PNPLA7: variants seen among roughly 807,000 people sequenced by gnomAD.
PNPLA7 encodes patatin-like phospholipase domain-containing protein 7.
In PNPLA7, 153 loss-of-function variants were observed where a neutral mutation model predicts 161.7. The ratio of observed to expected loss-of-function variants is 0.95; its 90% CI spans 0.83 to 1.08. The LOEUF (loss-of-function observed/expected upper bound fraction) is 1.08, where lower values mean the gene tolerates loss of function less well. Among genes scored for constraint, PNPLA7 ranks in the 50% least tolerant of loss-of-function variants. The pLI is 0.00. For synonymous variants in PNPLA7, 809 were observed against 782.1 expected (o/e 1.03, Z -0.57); for missense variants, 1,739 against 1,856.6 (o/e 0.94, Z 1.16).
intron 25 of PNPLA7, among the ~76,000 whole-genome samples, chr9:137,470,596 T>C (rs1195846612): frequency 1.3e-5 from 2 of 151,962 alleles, no homozygotes; most frequent in African/African-American, 4.8e-5. Context: ...TTCTAGAGAA[T>C]AGGAAAAGAA....
chr9:137,528,217 CTT>C (rs1257678251), intron 8 of PNPLA7, among the ~76,000 whole-genome samples: 7 of 152,158 alleles, frequency 4.6e-5, no homozygotes, highest in Non-Finnish European at 8.8e-5. Context: ...CATTTTCTCT[CTT>C]GTTTTGCATT....
rs1415367528 is a variant in PNPLA7 at position 137,541,047 on chromosome 9, C to T, written c.667-325G>A. 1.3e-5 allele frequency among the ~76,000 whole-genome samples: 2 copies of T among 152,072 alleles called. No individual in the cohort carries two copies. The highest frequency in any genetic ancestry group is 4.8e-5 in the African/African-American group (2 of 41,402). ...AGCTAACTATAAGGACTCCGAGGAC[C>T]GATTCAGTTATTACCAGCCTAAATT... On this transcript the variant is annotated intron_variant, in intron 7 of 34. Transcript: ENST00000406427. The surrounding 1 kb of genome is among the most constrained non-coding windows in gnomAD (Gnocchi z 4.4).
intron 12 of PNPLA7, 45 bp from the exon 13 acceptor site, chr9:137,506,128 G>A (rs970271520): frequency 2.6e-6 from 4 of 1,530,668 alleles, no homozygotes; most frequent in Non-Finnish European, 3.6e-6. Context: ...CTAGGCCACT[G>A]ACACAAACGT....
chr9:137,492,095 C>T (rs1832790938), intron 20 of PNPLA7: 1 of 985,320 alleles, frequency 1.0e-6, no homozygotes. Context: ...GGTCAGAGTC[C>T]TTGAGTATGT....
At chr9:137,461,496 C>A in intron 33 of PNPLA7, 40 bp downstream of exon 33, 1 of 1,572,424 alleles carries the variant, frequency 6.4e-7, no homozygotes, top group South Asian at 1.1e-5. Context: ...ATCAGGAGGT[C>A]ACGCACGTCT....
intron 28 of PNPLA7, 22 bp downstream of exon 28, chr9:137,464,104 C>T (rs4962238): frequency 0.072 from 116,112 of 1,611,538 alleles, 4,542 homozygotes; most frequent in Middle Eastern, 0.094. Flanking sequence ...AAGCGGCCGC[C>T]CTGCGCAGCA....
In PNPLA7 at chr9:137,476,849, C is replaced by T. The variant is rs1831960686; in HGVS notation, c.2882+1185G>A. 6.6e-6 allele frequency among the ~76,000 whole-genome samples: 1 copy of T among 152,204 alleles called. No individual in the cohort carries two copies. The highest frequency in any genetic ancestry group is 2.4e-5 in the African/African-American group (1 of 41,458). Reference sequence around the variant, plus strand: ...AACTGCTGTAGGCCAACTTCCGCAGCTTTCAAGAGAAAATGTGGCACAAGA... The same window carrying T: ...AACTGCTGTAGGCCAACTTCCGCAGTTTTCAAGAGAAAATGTGGCACAAGA... On this transcript the variant is annotated intron_variant, in intron 25 of 34. Coordinates refer to ENST00000406427, the MANE Select transcript of PNPLA7 (RefSeq NM_001098537.3). The surrounding 1 kb of genome is among the most constrained non-coding windows in gnomAD (Gnocchi z 4.5).
intron 14 of PNPLA7, among the ~76,000 whole-genome samples, chr9:137,503,006 G>C (rs917885996): frequency 2.6e-5 from 4 of 151,882 alleles, no homozygotes; most frequent in Non-Finnish European, 5.9e-5. Context: ...TACTGTGAGG[G>C]ATGCTAGGTA....
At chr9:137,504,612 A>C (rs1183502152) in intron 14 of PNPLA7, among the ~76,000 whole-genome samples, 5 of 152,190 alleles carry the variant, frequency 3.3e-5, no homozygotes, top group Non-Finnish European at 7.3e-5. Context: ...CACTCATGAC[A>C]CAGTCAGGGG....
At chr9:137,483,927 A>C (rs995431903) in intron 21 of PNPLA7, among the ~76,000 whole-genome samples, 1 of 151,938 alleles carries the variant, frequency 6.6e-6, no homozygotes, top group Non-Finnish European at 1.5e-5. Context: ...TACAACATTC[A>C]TTGCATTTAT....
chr9:137,468,373 G>A lies in PNPLA7; in HGVS notation c.2883-900C>T, dbSNP rs979428571. 1.3e-5 allele frequency among the ~76,000 whole-genome samples: 2 copies of A among 152,216 alleles called. No individual in the cohort carries two copies. Among genetic ancestry groups the A allele is most frequent in the Non-Finnish European group, 2.9e-5 (2 of 68,034 alleles). On this transcript the variant is annotated intron_variant, in intron 25 of 34. Transcript: ENST00000406427. This position sits in a 1 kb window ranked among gnomAD's most constrained non-coding sequence, Gnocchi z 4.0. ...AAAACAGACAATGAAAGTGGGCCCAGAGTGCCTCCCAGGTAAGAGATACAG... is the reference window on the plus strand; with the variant it reads ...AAAACAGACAATGAAAGTGGGCCCAAAGTGCCTCCCAGGTAAGAGATACAG...
chr9:137,523,763 G>A lies in PNPLA7; in HGVS notation c.748-906C>T, dbSNP rs147681929. Among the ~76,000 whole-genome samples, 859 of 152,142 alleles carry A rather than the reference G, an allele frequency of 5.6e-3. 6 individuals carry two copies. The highest frequency in any genetic ancestry group is 0.031 in the Middle Eastern group (9 of 292). ...TGCCTCAGCCTCCACAGTAGCTGGGGCTACAAGCGCCCGCCACCACGCCCG... is the reference window on the plus strand; with the variant it reads ...TGCCTCAGCCTCCACAGTAGCTGGGACTACAAGCGCCCGCCACCACGCCCG... On this transcript the variant is annotated intron_variant, in intron 8 of 34. Coordinates refer to ENST00000406427, the MANE Select transcript of PNPLA7 (RefSeq NM_001098537.3). The surrounding 1 kb of genome is among the most constrained non-coding windows in gnomAD (Gnocchi z 4.4).
At chr9:137,487,203 C>T (rs533217172) in intron 20 of PNPLA7, among the ~76,000 whole-genome samples, 1 of 152,368 alleles carries the variant, frequency 6.6e-6, no homozygotes, top group African/African-American at 2.4e-5. Context: ...GTGCCCATCT[C>T]TGCCTGGAGG....
rs1434249621 is a variant in PNPLA7 at position 137,521,720 on chromosome 9, C to T, written c.877-4G>A. ...TCTGCAGCCGCACCATGATGATCTG[C>T]AAGAACACGCCAGCTGCGCGGTGAC... is the stretch of plus-strand genomic sequence containing the variant. On this transcript the variant is annotated splice_region_variant and splice_polypyrimidine_tract_variant and intron_variant, in intron 9 of 34. Coordinates refer to ENST00000406427, the MANE Select transcript of PNPLA7 (RefSeq NM_001098537.3). 2 of 1,609,270 alleles carry T rather than the reference C, an allele frequency of 1.2e-6. No homozygotes were observed. Among genetic ancestry groups the T allele is most frequent in the Non-Finnish European group, 8.5e-7 (1 of 1,179,628 alleles).
At chr9:137,502,552 C>G (rs924155931) in intron 14 of PNPLA7, among the ~76,000 whole-genome samples, 1 of 144,804 alleles carries the variant, frequency 6.9e-6, no homozygotes, top group Non-Finnish European at 1.5e-5. Flanking sequence ...AGGACGGCCG[C>G]TGACGGAGAG....
At chr9:137,526,373 G>A (rs1273820983) in intron 8 of PNPLA7, among the ~76,000 whole-genome samples, 1 of 152,146 alleles carries the variant, frequency 6.6e-6, no homozygotes, top group East Asian at 1.9e-4. Flanking sequence ...CGCCTCCCGG[G>A]TTCACGCCAT....
chr9:137,464,678 G>C (rs541069869), intron 26 of PNPLA7: 14 of 571,920 alleles, frequency 2.4e-5, no homozygotes, highest in Middle Eastern at 4.8e-4. Context: ...GCCCACCCTC[G>C]GTCCCTTCCT....
chr9:137,501,534 G>C, intron 15 of PNPLA7, 116 bp downstream of exon 15: 1 of 991,188 alleles, frequency 1.0e-6, no homozygotes, highest in Non-Finnish European at 1.5e-6. Flanking sequence ...GCAGTGGCCC[G>C]GTGCTGGGAG....
intron 19 of PNPLA7, among the ~76,000 whole-genome samples, chr9:137,494,740 ACCCTCACCTGCGCCCTG>A (rs1832952902): frequency 1.0e-5 from 1 of 95,342 alleles, no homozygotes; most frequent in South Asian, 4.0e-4. Flanking sequence ...CCAGCTCCGC[ACCCTCACCTGCGCCCTG>A]CCCTCACCTG....
Sources: gnomAD v4.1 joint callset for allele counts (sites outside exome capture counted in the v4.1 genomes callset) on GRCh38, gnomAD v4.1.1 for gene constraint, Gnocchi (gnomAD v3.1) non-coding constraint, MANE v1.5 for transcripts, NCBI Gene and HGNC (gene_info 2026-07-23, HGNC 2026-07-21) for gene names.